Variants in NAV2 observed in about 807,000 individuals in gnomAD.
NAV2 encodes neuron navigator 2.
A neutral mutation model predicts 223.2 loss-of-function variants in NAV2; 54 were observed. That is an observed-to-expected ratio of 0.24 (90% CI 0.19 to 0.30). The LOEUF (loss-of-function observed/expected upper bound fraction) is 0.30, where lower values mean the gene tolerates loss of function less well. NAV2 is among the 10% of genes least tolerant of loss of function. The pLI is 1.00. For synonymous variants in NAV2, 1,279 were observed against 1,239.3 expected, an observed-to-expected ratio of 1.03 and a Z score of -0.67; for missense variants, 2,806 against 3,147.5, an observed-to-expected ratio of 0.89 and a Z score of 2.60.
chr11:19,791,895 G>C (rs1386355327), intron 1 of NAV2, among the ~76,000 whole-genome samples: 3 of 152,176 alleles, frequency 2.0e-5, no homozygotes, highest in African/African-American at 7.2e-5. Flanking sequence ...TTTTAGAGGG[G>C]CTATATGGTA....
intron 6 of NAV2, among the ~76,000 whole-genome samples, chr11:19,899,376 T>C (rs1038185214): frequency 1.3e-5 from 2 of 152,178 alleles, no homozygotes; most frequent in African/African-American, 4.8e-5. Flanking sequence ...GATGTAACCA[T>C]GGAAAAGTTG....
At chr11:19,496,849 A>G (rs1039505649) in intron 1 of NAV2, among the ~76,000 whole-genome samples, 1 of 152,220 alleles carries the variant, frequency 6.6e-6, no homozygotes, top group African/African-American at 2.4e-5. Flanking sequence ...GAAACAAAAC[A>G]AAACAAACAA....
chr11:19,355,195 T>A (rs1250688751), intron 1 of NAV2, among the ~76,000 whole-genome samples: 1 of 152,092 alleles, frequency 6.6e-6, no homozygotes, highest in Non-Finnish European at 1.5e-5. Context: ...AGTTTGTCCT[T>A]CACAGACAGA....
intron 1 of NAV2, among the ~76,000 whole-genome samples, chr11:19,524,306 G>A (rs576326821): frequency 1.3e-5 from 2 of 152,336 alleles, no homozygotes; most frequent in African/African-American, 4.8e-5. Context: ...CTGTGTGTGT[G>A]ATGTCACTTG....
chr11:19,836,992 A>G (rs777128192), intron 2 of NAV2, among the ~76,000 whole-genome samples: 2 of 152,164 alleles, frequency 1.3e-5, no homozygotes, highest in African/African-American at 2.4e-5. Context: ...TTATCTCCCA[A>G]AGGCCCCATC....
At chr11:19,720,522 T>G (rs921222550) in intron 1 of NAV2, among the ~76,000 whole-genome samples, 1 of 152,202 alleles carries the variant, frequency 6.6e-6, no homozygotes, top group Non-Finnish European at 1.5e-5. Context: ...ATTCCAATCC[T>G]TCCGTTCATC....
At chr11:19,506,729 GGTAGC>G (rs1835686601) in intron 1 of NAV2, 1 of 152,188 alleles carries the variant, frequency 6.6e-6, no homozygotes, top group Non-Finnish European at 1.5e-5. Context: ...GGGGTGACTT[GGTAGC>G]TCTGAAAGGA....
rs1256258538 is a variant in NAV2 at position 19,534,952 on chromosome 11, G to C, written c.75+183925G>C. On this transcript the variant is annotated intron_variant, in intron 1 of 37. Coordinates refer to the NAV2 transcript ENST00000360655. ...TTCAGTTTTATCATTTTGGAAATGT[G>C]GTTAATATTTCCATTGTAGGGCTGT... Among the ~76,000 whole-genome samples the C allele has an allele frequency of 2.0e-5, 3 of 152,148 alleles. No individual in the cohort carries two copies. The South Asian group carries it at 6.2e-4, about 32-fold the overall frequency.
chr11:19,545,277 G>T (rs900354391), intron 1 of NAV2, among the ~76,000 whole-genome samples: 4 of 152,228 alleles, frequency 2.6e-5, no homozygotes, highest in African/African-American at 9.6e-5. Flanking sequence ...ACTGCCTCCA[G>T]GGGAGCTTGG....
intron 1 of NAV2, among the ~76,000 whole-genome samples, chr11:19,464,536 G>A (rs1355108529): frequency 1.3e-5 from 2 of 152,132 alleles, no homozygotes; most frequent in Non-Finnish European, 2.9e-5. Context: ...TCCTCTTTAG[G>A]CCTCAGTTTT....
chr11:19,754,359 C>G (rs1429774624), intron 1 of NAV2, among the ~76,000 whole-genome samples: 16 of 152,134 alleles, frequency 1.1e-4, no homozygotes, highest in Admixed American at 1.0e-3. Context: ...GAAGATCATC[C>G]TTTCTGGCTG....
At position 19,940,343 on chromosome 11, in the gene NAV2, C is replaced by T. The variant is rs546246070; in HGVS notation, c.2146+570C>T. 4.6e-5 allele frequency among the ~76,000 whole-genome samples: 7 copies of T among 152,264 alleles called. No homozygotes were observed. In the South Asian group the frequency reaches 6.2e-4, roughly 14 times the overall value. On this transcript the variant is annotated intron_variant, in intron 8 of 37. Transcript: ENST00000349880. ...TGTATGACGGCATAAAATCCACAGT[C>T]GTTGTATAGTTAATTCTGCAAGCAT...
chr11:19,667,335 G>C (rs1190685436), intron 1 of NAV2, among the ~76,000 whole-genome samples: 1 of 152,234 alleles, frequency 6.6e-6, no homozygotes, highest in African/African-American at 2.4e-5. Flanking sequence ...GAGATGCTCA[G>C]AGTCAGCAGG....
chr11:20,107,528 C>T (rs2062245542), intron 35 of NAV2, 136 bp from the exon 36 acceptor site: 3 of 688,242 alleles, frequency 4.4e-6, no homozygotes, highest in East Asian at 2.5e-5. Flanking sequence ...AGTATACCTG[C>T]GTTCAGGCCT....
intron 1 of NAV2, among the ~76,000 whole-genome samples, chr11:19,369,139 C>T (rs1265542665): frequency 6.6e-6 from 1 of 152,142 alleles, no homozygotes; most frequent in Non-Finnish European, 1.5e-5. Context: ...TTAGCAGGGT[C>T]CTTGGAGGTT....
At position 19,393,150 on chromosome 11, in the gene NAV2, C is replaced by A. The variant is rs541175596; in HGVS notation, c.75+42123C>A. ...TTCCCCCTTTCCCAGACTGTCCATC[C>A]CTCTTTTCTCTTTGAAAGAGGGCTT... On this transcript the variant is annotated intron_variant, in intron 1 of 37. Coordinates refer to the NAV2 transcript ENST00000360655. 6.0e-4 allele frequency among the ~76,000 whole-genome samples: 91 copies of A among 152,308 alleles called. 2 individuals carry two copies. The South Asian group carries it at 0.019, about 32-fold the overall frequency.
intron 11 of NAV2, among the ~76,000 whole-genome samples, chr11:20,026,746 C>T (rs1296999777): frequency 6.6e-6 from 1 of 152,206 alleles, no homozygotes; most frequent in African/African-American, 2.4e-5. Context: ...GATGGTTGAA[C>T]ACTCATGTGT....
intron 11 of NAV2, among the ~76,000 whole-genome samples, chr11:20,012,123 A>C (rs2153513189): frequency 6.6e-6 from 1 of 152,316 alleles, no homozygotes; most frequent in Middle Eastern, 3.4e-3. Context: ...GTTTGGAAGA[A>C]AGTTGGCTGA....
intron 18 of NAV2, among the ~76,000 whole-genome samples, chr11:20,054,657 T>C (rs2058253266): frequency 6.6e-6 from 1 of 152,238 alleles, no homozygotes; most frequent in African/African-American, 2.4e-5. Context: ...ATAGATTTTA[T>C]CGCATATCCC....
Sources: gnomAD v4.1 joint callset for allele counts (sites outside exome capture counted in the v4.1 genomes callset) on GRCh38, gnomAD v4.1.1 for gene constraint, MANE v1.5 for transcripts, NCBI Gene and HGNC (gene_info 2026-07-23, HGNC 2026-07-21) for gene names.